Variants in MBNL1 observed in about 807,000 individuals in gnomAD.
MBNL1 encodes the protein muscleblind-like protein 1.
Under a neutral mutation model 42.2 loss-of-function variants are expected in MBNL1, and 8 were observed. The observed-to-expected ratio is 0.19, with a 90% confidence interval of 0.11 to 0.34. The LOEUF (loss-of-function observed/expected upper bound fraction) is 0.34, where lower values mean the gene tolerates loss of function less well. MBNL1 is among the 10% of genes least tolerant of loss of function. The pLI is 1.00. For missense variants in MBNL1, 309 were observed against 495.3 expected (o/e 0.62, Z 3.57); for synonymous variants, 169 against 173.9 (o/e 0.97, Z 0.22).
chr3:152,442,453 A>C (rs996906609), intron 4 of MBNL1, among the ~76,000 whole-genome samples: 1 of 152,236 alleles, frequency 6.6e-6, no homozygotes, highest in Non-Finnish European at 1.5e-5. Flanking sequence ...TGAGAAGAGA[A>C]AAATGAACCA....
intron 2 of MBNL1, among the ~76,000 whole-genome samples, chr3:152,401,353 G>T (rs2098210416): frequency 6.6e-6 from 1 of 152,178 alleles, no homozygotes; most frequent in African/African-American, 2.4e-5. Flanking sequence ...AACTTCTTTA[G>T]TAAGTGACAT....
At chr3:152,252,127 C>T (rs886182239) in intron 2 of MBNL1, among the ~76,000 whole-genome samples, 2 of 151,608 alleles carry the variant, frequency 1.3e-5, no homozygotes, top group African/African-American at 2.4e-5. Context: ...CTAGAACAAA[C>T]TAACCTACCT....
At chr3:152,445,058 A>G (rs2099203315) in intron 4 of MBNL1, among the ~76,000 whole-genome samples, 1 of 152,198 alleles carries the variant, frequency 6.6e-6, no homozygotes, top group Non-Finnish European at 1.5e-5. Context: ...TTTTACCATA[A>G]TTAACATTAT....
intron 1 of MBNL1, among the ~76,000 whole-genome samples, chr3:152,279,521 CT>C (rs11293488): frequency 0.76 from 115,347 of 151,956 alleles, 44,020 homozygotes; most frequent in East Asian, 0.81. Flanking sequence ...GTATTTTCAT[CT>C]TTTTTGCTTT....
At chr3:152,301,145 A>G (rs749427389) in intron 2 of MBNL1, among the ~76,000 whole-genome samples, 3 of 152,194 alleles carry the variant, frequency 2.0e-5, no homozygotes, top group Non-Finnish European at 4.4e-5. Flanking sequence ...GGGCACCATA[A>G]TACTAAAATA....
At chr3:152,312,624 G>T (rs2067464231) in intron 2 of MBNL1, among the ~76,000 whole-genome samples, 1 of 152,074 alleles carries the variant, frequency 6.6e-6, no homozygotes, top group Admixed American at 6.6e-5. Flanking sequence ...TTTGTCTTAG[G>T]TCAGAATAAA....
At chr3:152,420,850 G>C (rs1185334614) in intron 3 of MBNL1, among the ~76,000 whole-genome samples, 1 of 152,166 alleles carries the variant, frequency 6.6e-6, no homozygotes, top group Non-Finnish European at 1.5e-5. Context: ...TTAACCCAAT[G>C]CAAGGAAGTT....
intron 1 of MBNL1, among the ~76,000 whole-genome samples, chr3:152,297,712 A>C (rs2059239610): frequency 6.6e-6 from 1 of 151,932 alleles, no homozygotes; most frequent in Non-Finnish European, 1.5e-5. Flanking sequence ...GCTGGAGTGC[A>C]GTGGTGCAAT....
chr3:152,309,438 G>GT (rs1443244928), intron 2 of MBNL1, among the ~76,000 whole-genome samples: 25 of 152,170 alleles, frequency 1.6e-4, no homozygotes, highest in Non-Finnish European at 4.4e-5. Flanking sequence ...CCTCATATGA[G>GT]TACAGTATCT....
intron 9 of MBNL1, among the ~76,000 whole-genome samples, chr3:152,461,356 G>C (rs1745479269): frequency 6.6e-6 from 1 of 152,202 alleles, no homozygotes; most frequent in Admixed American, 6.5e-5. Flanking sequence ...CTGAACAATA[G>C]CCACATTTGT....
At chr3:152,273,506 A>C (rs1481147804) in intron 1 of MBNL1, among the ~76,000 whole-genome samples, 1 of 152,200 alleles carries the variant, frequency 6.6e-6, no homozygotes. Context: ...ATCTGTAAAA[A>C]TATGTGTAAC....
At chr3:152,273,195 T>C (rs1237420220) in intron 1 of MBNL1, among the ~76,000 whole-genome samples, 1 of 152,204 alleles carries the variant, frequency 6.6e-6, no homozygotes, top group Non-Finnish European at 1.5e-5. Flanking sequence ...GGTTGGAGAA[T>C]TATTGATTGC....
At chr3:152,396,328 C>T (rs988723000) in intron 2 of MBNL1, 3 of 170,380 alleles carry the variant, frequency 1.8e-5, no homozygotes, top group African/African-American at 7.2e-5. Context: ...CCATCCGCCA[C>T]TCCACCACCA....
At chr3:152,425,950 A>G (rs989688510) in intron 3 of MBNL1, among the ~76,000 whole-genome samples, 2 of 152,212 alleles carry the variant, frequency 1.3e-5, no homozygotes, top group African/African-American at 2.4e-5. Flanking sequence ...ACCAACCCAA[A>G]TGTCCATCAA....
At chr3:152,316,692 A>T (rs1457675516) in intron 2 of MBNL1, among the ~76,000 whole-genome samples, 1 of 152,104 alleles carries the variant, frequency 6.6e-6, no homozygotes, top group African/African-American at 2.4e-5. Context: ...CATTCCTTTA[A>T]TACTGCTGAG....
intron 2 of MBNL1, among the ~76,000 whole-genome samples, chr3:152,350,957 G>A (rs557139510): frequency 1.3e-5 from 2 of 152,120 alleles, no homozygotes; most frequent in South Asian, 2.1e-4. Context: ...AAGTTTCATA[G>A]CCCTGCCTAT....
intron 1 of MBNL1, among the ~76,000 whole-genome samples, chr3:152,286,319 C>T (rs13101011): frequency 5.1e-5 from 7 of 136,572 alleles, no homozygotes; most frequent in African/African-American, 1.0e-4. Context: ...ATTTATAATA[C>T]AAATATTTAA....
At chr3:152,369,501 G>A (rs972018469) in intron 2 of MBNL1, among the ~76,000 whole-genome samples, 12 of 152,118 alleles carry the variant, frequency 7.9e-5, no homozygotes, top group African/African-American at 2.9e-4. Context: ...GAGGTTTTTG[G>A]TATCAGGATG....
At chr3:152,426,369 C>A (rs1217930539) in intron 3 of MBNL1, among the ~76,000 whole-genome samples, 3 of 151,958 alleles carry the variant, frequency 2.0e-5, no homozygotes, top group South Asian at 2.1e-4. Flanking sequence ...CAAAAATAAT[C>A]AAAAAAATAA....
Sources: allele counts gnomAD v4.1 joint callset (sites outside exome capture counted in the v4.1 genomes callset), GRCh38; gene constraint gnomAD v4.1.1; transcripts MANE v1.5; gene names NCBI Gene and HGNC (gene_info 2026-07-23, HGNC 2026-07-21).